Variants in CLDND1 observed in about 807,000 individuals in gnomAD.
CLDND1 encodes claudin domain containing 1.
A neutral mutation model predicts 26.3 loss-of-function variants in CLDND1; 13 were observed. The observed-to-expected ratio is 0.49, with a 90% CI of 0.32 to 0.78. The LOEUF is 0.78. Ranked by LOEUF, CLDND1 falls within the 30% of genes least tolerant of loss-of-function variation. CLDND1 has a pLI of 0.03. For synonymous variants in CLDND1, 107 were observed against 107.0 expected (o/e 1.00, Z 0.00); for missense variants, 289 against 312.8 (o/e 0.92, Z 0.57).
Position 98,516,429 on chromosome 3 carries a change from G to A in CLDND1, c.*230C>T. The A allele has an allele frequency of 7.6e-7, 1 of 1,307,866 alleles. No homozygotes were observed. Among genetic ancestry groups the A allele is most frequent in the Non-Finnish European group, 9.7e-7 (1 of 1,031,036 alleles). 81.0% of individuals were successfully genotyped at this position (1,307,866 alleles called of 1,614,324 possible). ...GTCAAGTCTCTATCCATTTCTTTCT[G>A]TCTAGACCTAGATTAGTTTATTTGA... On this transcript the variant is annotated 3_prime_UTR_variant, in exon 5 of 5. Coordinates refer to ENST00000341181, the MANE Select transcript of CLDND1 (RefSeq NM_001040181.2).
In CLDND1 at chr3:98,518,915, G is replaced by A. The variant is rs372338207; in HGVS notation, c.373C>T (p.His125Tyr). 1.2e-6 allele frequency: 2 copies of A among 1,611,698 alleles called. No homozygotes were observed. Among genetic ancestry groups the A allele is most frequent in the East Asian group, 2.2e-5 (1 of 44,874 alleles). ...CTAAGGAGATCAATCCCGCTATTGT[G>A]GTTTCCGGGATCAACAAATTTCTCC... ...FMEKFVDPGN[H>Y]NSGIDLLRTY... Residue 125 changes from histidine (H) to tyrosine (Y), a missense_variant, in exon 3 of 5, where the codon CAC (histidine) becomes TAC (tyrosine). Transcript: ENST00000341181.
At chr3:98,516,985 T>G in intron 4 of CLDND1, 67 bp downstream of exon 4, 3 of 1,608,488 alleles carry the variant, frequency 1.9e-6, no homozygotes, top group Non-Finnish European at 2.5e-6. Flanking sequence ...ACATTTCAGA[T>G]TTATAACTCT....
intron 2 of CLDND1, 32 bp from the exon 3 acceptor site, chr3:98,519,027 T>C (rs775020475): frequency 2.5e-6 from 3 of 1,214,244 alleles, no homozygotes; most frequent in Non-Finnish European, 3.6e-6. Context: ...GTTGTTTTAA[T>C]TATAAACATT....
rs374891953 is a variant in CLDND1 at position 98,516,683 on chromosome 3, T to C, written c.738A>G (p.Leu246=). The change falls in exon 5 of 5, where the codon TTA becomes TTG. Residue 246 remains leucine (L), a synonymous_variant. Coordinates refer to ENST00000341181, the MANE Select transcript of CLDND1 (RefSeq NM_001040181.2). The stretch of plus-strand genomic sequence containing the variant: ...CTCATGCCACACGATATGCCTTCAT[T>C]AAGGTGTACTCTTTCCGGTTGGTGT... The part of the protein sequence containing the change: ...AAHTNRKEYT[L]MKAYRVA The C allele has an allele frequency of 6.2e-7, 1 of 1,614,036 alleles. No homozygotes were observed. The highest frequency in any genetic ancestry group is 8.5e-7 in the Non-Finnish European group (1 of 1,179,962).
chr3:98,520,489 C>T (rs905054097), intron 2 of CLDND1, among the ~76,000 whole-genome samples: 24 of 151,916 alleles, frequency 1.6e-4, no homozygotes, highest in African/African-American at 5.6e-4. Flanking sequence ...CTAAAGCTAC[C>T]ATTTTAATAA....
chr3:98,522,660 T>A (rs1436460661), intron 1 of CLDND1, 189 bp downstream of exon 1: 2 of 1,422,282 alleles, frequency 1.4e-6, no homozygotes, highest in Non-Finnish European at 1.8e-6. Flanking sequence ...GCAGCCGTGC[T>A]CGGCCCCGGG....
intron 1 of CLDND1, chr3:98,521,829 G>C (rs1157777975): frequency 1.3e-6 from 1 of 765,454 alleles, no homozygotes; most frequent in Non-Finnish European, 2.2e-6. Flanking sequence ...AGCTGCAGAG[G>C]ATTAAGTGTT....
rs115991741 is a variant in CLDND1 at position 98,520,038 on chromosome 3, A to C, written c.293-1043T>G. 9.8e-3 allele frequency among the ~76,000 whole-genome samples: 1,496 copies of C among 152,262 alleles called. 30 individuals are homozygous for C. Among genetic ancestry groups the C allele is most frequent in the African/African-American group, 0.035 (1,444 of 41,540 alleles). On this transcript the variant is annotated intron_variant, in intron 2 of 4. Transcript: ENST00000341181. ...CACATGTCATCTTTTAACATACTGAATAATTATTTATTCTGTTTATACTGT... is the reference window on the plus strand; with the variant it reads ...CACATGTCATCTTTTAACATACTGACTAATTATTTATTCTGTTTATACTGT...
At chr3:98,519,909 A>G (rs1387442593) in intron 2 of CLDND1, among the ~76,000 whole-genome samples, 1 of 152,198 alleles carries the variant, frequency 6.6e-6, no homozygotes, top group Non-Finnish European at 1.5e-5. Context: ...TGTCTTCTCA[A>G]TGAGACCTAC....
rs1157313438 is a variant in CLDND1, at chr3:98,521,561, A to G, written c.-18-119T>C. On this transcript the variant is annotated intron_variant, in intron 1 of 4. Coordinates refer to ENST00000341181, the MANE Select transcript of CLDND1 (RefSeq NM_001040181.2). Reference sequence around the variant, plus strand: ...TCCCCATCCCTTCGTACATATAACCATTAAGAATTTTTTTTAGAAAGCAAG... The same window carrying G: ...TCCCCATCCCTTCGTACATATAACCGTTAAGAATTTTTTTTAGAAAGCAAG... 2.7e-6 allele frequency: 4 copies of G among 1,476,286 alleles called. No homozygotes were observed. The African/African-American group carries it at 4.2e-5, about 15-fold the overall frequency. 91.4% of individuals were successfully genotyped at this position (1,476,286 alleles called of 1,614,324 possible).
chr3:98,519,036 T>A, intron 2 of CLDND1, 41 bp from the exon 3 acceptor site: 1 of 1,176,074 alleles, frequency 8.5e-7, no homozygotes, highest in Admixed American at 1.9e-5. Flanking sequence ...ATTATAAACA[T>A]TTAACAAAAA....
intron 1 of CLDND1, chr3:98,522,452 A>G: frequency 1.2e-6 from 1 of 847,332 alleles, no homozygotes; most frequent in Non-Finnish European, 1.5e-6. Context: ...CTCAGGAAAG[A>G]TAAGAGCAAT....
rs763338732 is a variant in CLDND1 at position 98,516,689 on chromosome 3, G to A, written c.732C>T (p.Tyr244=). The change falls in exon 5 of 5, where the codon TAC becomes TAT. Residue 244 remains tyrosine (Y), a synonymous_variant. Coordinates refer to ENST00000341181, the MANE Select transcript of CLDND1 (RefSeq NM_001040181.2). ...CCACACGATATGCCTTCATTAAGGTGTACTCTTTCCGGTTGGTGTGAGCAG... is the reference window on the plus strand; with the variant it reads ...CCACACGATATGCCTTCATTAAGGTATACTCTTTCCGGTTGGTGTGAGCAG... ...IWAAHTNRKE[Y]TLMKAYRVA is the part of the protein sequence containing the mutation. The A allele has an allele frequency of 6.2e-7, 1 of 1,614,162 alleles. No individual in the cohort carries two copies. The highest frequency in any genetic ancestry group is 8.5e-7 in the Non-Finnish European group (1 of 1,180,008).
chr3:98,521,062 G>C, intron 2 of CLDND1, 71 bp downstream of exon 2: 1 of 1,302,104 alleles, frequency 7.7e-7, no homozygotes, highest in South Asian at 1.4e-5. Context: ...ACATGTAATT[G>C]GGCAATCATT....
rs1706412671 is a variant in CLDND1 at position 98,521,591 on chromosome 3, T to C, written c.-18-149A>G. On this transcript the variant is annotated intron_variant, in intron 1 of 4. Coordinates refer to ENST00000341181, the MANE Select transcript of CLDND1 (RefSeq NM_001040181.2). ...GAATTTTTTTTAGAAAGCAAGCATG[T>C]TTTTAATTAAGCTTAAAACAAAACT... 3.9e-6 allele frequency: 6 copies of C among 1,531,452 alleles called. No individual in the cohort carries two copies. In the South Asian group the frequency reaches 5.7e-5, roughly 14 times the overall value. 94.9% of individuals were successfully genotyped at this position (1,531,452 alleles called of 1,614,324 possible).
chr3:98,518,818 G>C (rs1706270708), intron 3 of CLDND1, 67 bp downstream of exon 3: 1 of 955,412 alleles, frequency 1.0e-6, no homozygotes. Flanking sequence ...CAAAAACATA[G>C]TCCAAAAAGA....
intron 3 of CLDND1, among the ~76,000 whole-genome samples, chr3:98,518,202 T>A (rs961563864): frequency 3.9e-5 from 6 of 152,196 alleles, no homozygotes; most frequent in African/African-American, 1.4e-4. Context: ...TTTTCTAACT[T>A]ACTTTCTTTC....
intron 1 of CLDND1, chr3:98,522,616 C>G: frequency 2.2e-6 from 3 of 1,389,002 alleles, no homozygotes; most frequent in Non-Finnish European, 2.8e-6. Flanking sequence ...CTGGGCCTCA[C>G]GGCGGGGCCG....
Position 98,521,455 on chromosome 3 carries a change from T to G in CLDND1, c.-18-13A>C, listed in dbSNP as rs1009698290. The G allele has an allele frequency of 6.7e-5, 108 of 1,602,446 alleles. No individual in the cohort carries two copies. The highest frequency in any genetic ancestry group is 8.9e-5 in the Non-Finnish European group (104 of 1,173,680). ...CATTCAGACTGCTCTGTTTAGAAGTTGAAGAAAGAAGATAAGTTAGAGTTT... is the reference window on the plus strand; with the variant it reads ...CATTCAGACTGCTCTGTTTAGAAGTGGAAGAAAGAAGATAAGTTAGAGTTT... On this transcript the variant is annotated splice_polypyrimidine_tract_variant and intron_variant, in intron 1 of 4. Transcript: ENST00000341181.
Sources: allele counts gnomAD v4.1 joint callset (sites outside exome capture counted in the v4.1 genomes callset), GRCh38; gene constraint gnomAD v4.1.1; transcripts MANE v1.5; gene names NCBI Gene and HGNC (gene_info 2026-07-23, HGNC 2026-07-21).